The following PPM1H variants were observed in gnomAD, a reference collection of about 807,000 sequenced individuals.
The protein encoded by PPM1H is protein phosphatase 1H.
A neutral mutation model predicts 54.9 loss-of-function variants in PPM1H; 27 were observed. That is an observed-to-expected ratio of 0.49 (90% CI 0.36 to 0.68). The LOEUF (loss-of-function observed/expected upper bound fraction) is 0.68, where lower values mean the gene tolerates loss of function less well. PPM1H is among the 30% of genes least tolerant of loss of function. The pLI, the probability that PPM1H is intolerant of heterozygous loss-of-function variation, is 0.00. For synonymous variants in PPM1H, 305 were observed against 270.8 expected, an observed-to-expected ratio of 1.13 and a Z score of -1.24; for missense variants, 596 against 667.8, an observed-to-expected ratio of 0.89 and a Z score of 1.19.
chr12:62,765,184 T>C (rs917348317), intron 4 of PPM1H, among the ~76,000 whole-genome samples: 2 of 152,110 alleles, frequency 1.3e-5, no homozygotes, highest in African/African-American at 4.8e-5. Context: ...TGTGTGACAG[T>C]ACATGACCAA....
intron 7 of PPM1H, among the ~76,000 whole-genome samples, chr12:62,693,367 A>G (rs2076094018): frequency 6.6e-6 from 1 of 152,208 alleles, no homozygotes; most frequent in African/African-American, 2.4e-5. Flanking sequence ...GTGACCTTAT[A>G]GTCTAATTAC....
chr12:62,737,808 T>C (rs1176702841), intron 4 of PPM1H, among the ~76,000 whole-genome samples: 2 of 152,224 alleles, frequency 1.3e-5, no homozygotes, highest in Non-Finnish European at 2.9e-5. Flanking sequence ...TTATGTTTTC[T>C]GCTAGCTGGA....
intron 1 of PPM1H, among the ~76,000 whole-genome samples, chr12:62,835,455 T>C (rs1480685274): frequency 6.6e-6 from 1 of 152,234 alleles, no homozygotes; most frequent in Non-Finnish European, 1.5e-5. Context: ...GCATCTATTC[T>C]TGTCGGTGCC....
intron 9 of PPM1H, among the ~76,000 whole-genome samples, chr12:62,651,361 A>G (rs1425922055): frequency 1.3e-5 from 2 of 152,222 alleles, no homozygotes; most frequent in African/African-American, 4.8e-5. Context: ...GGCTATTTTA[A>G]GCTCCAAACA....
chr12:62,888,191 C>G (rs1386941921), intron 1 of PPM1H, among the ~76,000 whole-genome samples: 1 of 152,056 alleles, frequency 6.6e-6, no homozygotes, highest in African/African-American at 2.4e-5. Flanking sequence ...AGAACAGAGC[C>G]TGAGTATCCA....
chr12:62,749,939 A>G (rs759468664), intron 4 of PPM1H, among the ~76,000 whole-genome samples: 2 of 152,228 alleles, frequency 1.3e-5, no homozygotes, highest in Non-Finnish European at 2.9e-5. Context: ...TTTCTGTAGA[A>G]ACATCTTAGT....
At chr12:62,852,250 A>G (rs56027200) in intron 1 of PPM1H, among the ~76,000 whole-genome samples, 10,600 of 139,806 alleles carry the variant, frequency 0.076, 410 homozygotes, top group African/African-American at 0.089. Flanking sequence ...AAAAAAAAAA[A>G]AGAGATGGGG....
chr12:62,699,738 A>G (rs1355912465), intron 6 of PPM1H, among the ~76,000 whole-genome samples: 2 of 152,224 alleles, frequency 1.3e-5, no homozygotes, highest in African/African-American at 4.8e-5. Context: ...CTGAACCATT[A>G]TCCACTCAGT....
At chr12:62,814,120 C>A (rs2076851736) in intron 2 of PPM1H, among the ~76,000 whole-genome samples, 1 of 152,256 alleles carries the variant, frequency 6.6e-6, no homozygotes, top group South Asian at 2.1e-4. Context: ...TGCTCTGTCA[C>A]CCAAGCTGGA....
At chr12:62,923,027 T>TATCA (rs1297121711) in intron 1 of PPM1H, among the ~76,000 whole-genome samples, 1 of 152,226 alleles carries the variant, frequency 6.6e-6, no homozygotes, top group Non-Finnish European at 1.5e-5. Context: ...ATGGGAAGCT[T>TATCA]ATCAACTGAG....
chr12:62,656,563 G>A (rs1236926505), intron 9 of PPM1H, among the ~76,000 whole-genome samples: 2 of 152,164 alleles, frequency 1.3e-5, no homozygotes, highest in Admixed American at 6.5e-5. Context: ...GTATCTTAAA[G>A]TTCTTAATAG....
At chr12:62,701,304 T>C (rs1336695504) in intron 6 of PPM1H, among the ~76,000 whole-genome samples, 3 of 152,252 alleles carry the variant, frequency 2.0e-5, no homozygotes, top group Non-Finnish European at 4.4e-5. Context: ...CTAGGTGCTG[T>C]CCTTACAGGC....
intron 6 of PPM1H, among the ~76,000 whole-genome samples, chr12:62,706,136 C>T (rs774662541): frequency 2.0e-5 from 3 of 152,224 alleles, no homozygotes; most frequent in East Asian, 1.9e-4. Flanking sequence ...TAACATTACA[C>T]GGTGCAGATC....
rs1592623878 is a variant in PPM1H at position 62,832,286 on chromosome 12, A to G, written c.246-7T>C. Reference sequence around the variant, plus strand: ...CTTCCCGGCATTGATAACCCTGGAGAAGAAGCCGGAAAAGCTGGTCAGACA... The same window carrying G: ...CTTCCCGGCATTGATAACCCTGGAGGAGAAGCCGGAAAAGCTGGTCAGACA... On this transcript the variant is annotated splice_polypyrimidine_tract_variant and splice_region_variant and intron_variant, in intron 1 of 9. Coordinates refer to ENST00000228705, the MANE Select transcript of PPM1H (RefSeq NM_020700.2). The G allele has an allele frequency of 5.6e-6, 9 of 1,603,374 alleles. No homozygotes were observed. The East Asian group carries it at 2.0e-4, about 36-fold the overall frequency.
At chr12:62,662,267 A>C (rs1000505766) in intron 9 of PPM1H, among the ~76,000 whole-genome samples, 1 of 152,246 alleles carries the variant, frequency 6.6e-6, no homozygotes, top group African/African-American at 2.4e-5. Context: ...AGCTTTATAA[A>C]AATAATCATA....
intron 2 of PPM1H, among the ~76,000 whole-genome samples, chr12:62,827,975 C>G (rs2120841550): frequency 6.6e-6 from 1 of 152,226 alleles, no homozygotes; most frequent in East Asian, 1.9e-4. Context: ...TGTTTTGTCT[C>G]CTTATCCCAA....
chr12:62,740,151 C>A (rs551703837), intron 4 of PPM1H, among the ~76,000 whole-genome samples: 14 of 152,342 alleles, frequency 9.2e-5, no homozygotes, highest in African/African-American at 2.9e-4. Context: ...TTCCTAAGAA[C>A]CTAAGCCTCA....
At chr12:62,816,961 G>C (rs1714957233) in intron 2 of PPM1H, among the ~76,000 whole-genome samples, 1 of 151,446 alleles carries the variant, frequency 6.6e-6, no homozygotes, top group Non-Finnish European at 1.5e-5. Context: ...CTGGTCTTCA[G>C]AGTAATCCAA....
chr12:62,908,329 C>T (rs1272034551), intron 1 of PPM1H, among the ~76,000 whole-genome samples: 1 of 149,230 alleles, frequency 6.7e-6, no homozygotes, highest in Non-Finnish European at 1.5e-5. Flanking sequence ...ATCGCTTGAA[C>T]CCTGGAGATG....
Sources: allele counts gnomAD v4.1 joint callset (sites outside exome capture counted in the v4.1 genomes callset), GRCh38; gene constraint gnomAD v4.1.1; transcripts MANE v1.5; gene names NCBI Gene and HGNC (gene_info 2026-07-23, HGNC 2026-07-21).